The following CCDC178 variants were observed in gnomAD, a reference collection of about 807,000 sequenced individuals.
CCDC178 encodes the protein coiled-coil domain-containing protein 178.
In CCDC178, 126 loss-of-function variants were observed where a neutral mutation model predicts 117.4. The observed-to-expected ratio is 1.07, with a 90% CI of 0.93 to 1.24. The LOEUF is 1.24. Ranked by LOEUF, CCDC178 falls within the 50% of genes most tolerant of loss-of-function variation. CCDC178 has a pLI of 0.00. For missense variants in CCDC178, 1,030 were observed against 986.9 expected, an observed-to-expected ratio of 1.04 and a Z score of -0.59; for synonymous variants, 283 against 313.4, an observed-to-expected ratio of 0.90 and a Z score of 1.02.
intron 20 of CCDC178, among the ~76,000 whole-genome samples, chr18:33,122,167 T>C (rs565324558): frequency 6.6e-6 from 1 of 152,186 alleles, no homozygotes; most frequent in African/African-American, 2.4e-5. Flanking sequence ...GAATACTATA[T>C]ACATTTTGCA....
intron 2 of CCDC178, among the ~76,000 whole-genome samples, chr18:33,415,404 AT>A (rs1378745563): frequency 6.6e-6 from 1 of 152,156 alleles, no homozygotes; most frequent in African/African-American, 2.4e-5. Flanking sequence ...ATTTGTAGGG[AT>A]GTGGATGAAG....
chr18:33,319,800 C>A (rs1054533990), intron 11 of CCDC178, among the ~76,000 whole-genome samples: 18 of 152,292 alleles, frequency 1.2e-4, no homozygotes, highest in African/African-American at 4.3e-4. Context: ...TGATGATGAG[C>A]ATTTTTTCAT....
At chr18:33,004,144 T>C (rs374860717) in intron 21 of CCDC178, among the ~76,000 whole-genome samples, 10 of 152,072 alleles carry the variant, frequency 6.6e-5, no homozygotes, top group East Asian at 1.9e-4. Flanking sequence ...AACATACGAA[T>C]GACATCTTCA....
chr18:33,386,971 C>T (rs758926713), intron 5 of CCDC178, among the ~76,000 whole-genome samples: 4 of 152,052 alleles, frequency 2.6e-5, no homozygotes, highest in Non-Finnish European at 4.4e-5. Context: ...AAAACCCCAT[C>T]GACTCAGCCC....
chr18:32,997,863 C>T (rs1429660698), intron 21 of CCDC178, among the ~76,000 whole-genome samples: 2 of 152,004 alleles, frequency 1.3e-5, no homozygotes, highest in Non-Finnish European at 2.9e-5. Context: ...AAAAAAAAAT[C>T]AACCATTTTA....
chr18:32,963,151 A>G (rs1450488946), intron 22 of CCDC178, among the ~76,000 whole-genome samples: 1 of 152,096 alleles, frequency 6.6e-6, no homozygotes, highest in African/African-American at 2.4e-5. Flanking sequence ...GAGGATGAGC[A>G]TGGAGGACGA....
At chr18:33,027,192 T>C (rs985968516) in intron 21 of CCDC178, among the ~76,000 whole-genome samples, 5 of 151,702 alleles carry the variant, frequency 3.3e-5, no homozygotes, top group African/African-American at 1.2e-4. Flanking sequence ...CAAGAATACA[T>C]GTTATGATAT....
At chr18:32,963,050 T>C (rs1012894864) in intron 22 of CCDC178, among the ~76,000 whole-genome samples, 2 of 151,938 alleles carry the variant, frequency 1.3e-5, no homozygotes, top group Admixed American at 6.6e-5. Context: ...TCCAACATAA[T>C]CTAATCTCAG....
chr18:33,001,956 A>G (rs1445740143), intron 21 of CCDC178, among the ~76,000 whole-genome samples: 1 of 152,224 alleles, frequency 6.6e-6, no homozygotes, highest in Admixed American at 6.5e-5. Flanking sequence ...ATAGTGATAA[A>G]CAGGTCAATT....
At chr18:32,948,458 T>C (rs1454592830) in intron 22 of CCDC178, among the ~76,000 whole-genome samples, 1 of 152,134 alleles carries the variant, frequency 6.6e-6, no homozygotes, top group Non-Finnish European at 1.5e-5. Flanking sequence ...ATTGTCTTCT[T>C]AGTTTCAACA....
chr18:33,166,034 T>C (rs1277266763), intron 20 of CCDC178, among the ~76,000 whole-genome samples: 3 of 152,206 alleles, frequency 2.0e-5, no homozygotes, highest in African/African-American at 7.2e-5. Flanking sequence ...TTGGTTTATA[T>C]TAAGGTATCA....
At chr18:33,337,335 G>A (rs944535458) in intron 9 of CCDC178, among the ~76,000 whole-genome samples, 7 of 151,854 alleles carry the variant, frequency 4.6e-5, no homozygotes, top group African/African-American at 1.2e-4. Context: ...CTATGTATAC[G>A]CTCATGTCAT....
intron 21 of CCDC178, among the ~76,000 whole-genome samples, chr18:33,053,519 T>C (rs765505033): frequency 6.6e-6 from 1 of 152,218 alleles, no homozygotes; most frequent in East Asian, 1.9e-4. Flanking sequence ...TTGTCTTCCT[T>C]GTAAGAAGGG....
At chr18:33,067,334 G>C (rs1267912875) in intron 21 of CCDC178, among the ~76,000 whole-genome samples, 1 of 152,032 alleles carries the variant, frequency 6.6e-6, no homozygotes, top group Non-Finnish European at 1.5e-5. Flanking sequence ...CATACAAAAA[G>C]CTATGAAATC....
At chr18:33,406,873 T>A (rs1333990281) in intron 3 of CCDC178, among the ~76,000 whole-genome samples, 1 of 152,210 alleles carries the variant, frequency 6.6e-6, no homozygotes, top group Non-Finnish European at 1.5e-5. Context: ...TGACGTTTGT[T>A]AACTGGAGAG....
intron 20 of CCDC178, among the ~76,000 whole-genome samples, chr18:33,134,790 GA>G (rs760551738): frequency 3.9e-5 from 6 of 151,994 alleles, no homozygotes; most frequent in Non-Finnish European, 4.4e-5. Flanking sequence ...ATGAAAGATT[GA>G]GTTTTCACAC....
intron 6 of CCDC178, among the ~76,000 whole-genome samples, chr18:33,369,010 T>G (rs1360632408): frequency 6.6e-6 from 1 of 151,910 alleles, no homozygotes; most frequent in Non-Finnish European, 1.5e-5. Context: ...TAGCATATCA[T>G]AGCAACAAAT....
At chr18:33,438,962 T>G (rs1046039693) in intron 2 of CCDC178, among the ~76,000 whole-genome samples, 1 of 152,210 alleles carries the variant, frequency 6.6e-6, no homozygotes, top group Non-Finnish European at 1.5e-5. Flanking sequence ...GCTCCTGTTT[T>G]GTGTGTAATT....
chr18:32,994,952 TGTTTAATGGC>T (rs1306144283), intron 21 of CCDC178, among the ~76,000 whole-genome samples: 1 of 152,236 alleles, frequency 6.6e-6, no homozygotes, highest in Non-Finnish European at 1.5e-5. Flanking sequence ...AACAGTTTTC[TGTTTAATGGC>T]TCATTTGAAA....
Sources: allele counts gnomAD v4.1 joint callset (sites outside exome capture counted in the v4.1 genomes callset), GRCh38; gene constraint gnomAD v4.1.1; transcripts MANE v1.5; gene names NCBI Gene and HGNC (gene_info 2026-07-23, HGNC 2026-07-21).